Variants in STPG1 observed in about 807,000 individuals in gnomAD.
The protein encoded by STPG1 is sperm tail PG-rich repeat containing 1, also known as O(6)-methylguanine-induced apoptosis 2.
A neutral mutation model predicts 40.1 loss-of-function variants in STPG1; 33 were observed. That is an observed-to-expected ratio of 0.82 (90% CI 0.62 to 1.10). STPG1 has a LOEUF of 1.10. STPG1 is among the 50% of genes least tolerant of loss of function. The pLI is 0.00. For missense variants in STPG1, 396 were observed against 415.1 expected, an observed-to-expected ratio of 0.95 and a Z score of 0.40; for synonymous variants, 150 against 155.0, an observed-to-expected ratio of 0.97 and a Z score of 0.24.
intron 3 of STPG1, among the ~76,000 whole-genome samples, chr1:24,389,289 T>C (rs1642650966): frequency 6.6e-6 from 1 of 152,144 alleles, no homozygotes; most frequent in Non-Finnish European, 1.5e-5. Flanking sequence ...CCATCCACGG[T>C]AGCTGACATC....
intron 4 of STPG1, among the ~76,000 whole-genome samples, chr1:24,380,035 T>G (rs1389234319): frequency 6.6e-6 from 1 of 152,216 alleles, no homozygotes; most frequent in African/African-American, 2.4e-5. Flanking sequence ...GTAAACTAAC[T>G]CAAATTATTC....
At chr1:24,373,858 T>C (rs376203000) in intron 5 of STPG1, 48 bp from the exon 6 acceptor site, 89 of 1,359,122 alleles carry the variant, frequency 6.5e-5, no homozygotes, top group Non-Finnish European at 8.8e-5. Context: ...TTCCTTTCTT[T>C]GTCTTCGTCA....
In STPG1 at chr1:24,388,074, C is replaced by T. The variant is rs916691389; in HGVS notation, c.189+3487G>A. Among the ~76,000 whole-genome samples the T allele has an allele frequency of 3.9e-5, 6 of 152,250 alleles. No individual in the cohort carries two copies. In the South Asian group the frequency reaches 1.0e-3, roughly 26 times the overall value. The stretch of plus-strand genomic sequence containing the variant: ...TTGTGCCCATCTAGAGCACATGGTA[C>T]CTATGTCCTACCTGTATTTATTTAT... On this transcript the variant is annotated intron_variant, in intron 3 of 8. Transcript: ENST00000337248.
rs748824680 is a variant in STPG1 at position 24,360,922 on chromosome 1, G to T, written c.857C>A (p.Ser286Tyr). 1.9e-6 allele frequency: 3 copies of T among 1,614,050 alleles called. No homozygotes were observed. Among genetic ancestry groups the T allele is most frequent in the Non-Finnish European group, 2.5e-6 (3 of 1,179,984 alleles). ...DYLGPRKHFI[S>Y]SASFVSNTSR... ...GGTATTGGACACGAATGATGCACTAGAGATGAAATGCTTGCGGGGGCCTAA... is the reference window on the plus strand; with the variant it reads ...GGTATTGGACACGAATGATGCACTATAGATGAAATGCTTGCGGGGGCCTAA... Residue 286 changes from serine (S) to tyrosine (Y), a missense_variant, in exon 8 of 9, where the codon TCT becomes TAT. Transcript: ENST00000337248.
chr1:24,406,509 T>C (rs1643421617), intron 1 of STPG1, among the ~76,000 whole-genome samples: 1 of 152,132 alleles, frequency 6.6e-6, no homozygotes, highest in South Asian at 2.1e-4. Context: ...TCATAGTCCT[T>C]CTATCTACAG....
intron 3 of STPG1, among the ~76,000 whole-genome samples, chr1:24,386,257 A>C (rs1642499185): frequency 6.6e-6 from 1 of 152,362 alleles, no homozygotes; most frequent in South Asian, 2.1e-4. Context: ...TGAAGCTCAC[A>C]ACTTTCCTGG....
chr1:24,379,521 T>C (rs1642184719), intron 5 of STPG1, 132 bp downstream of exon 5: 3 of 980,924 alleles, frequency 3.1e-6, no homozygotes, highest in African/African-American at 1.6e-5. Context: ...TAGGCACCCA[T>C]TGGGTAGTCA....
intron 3 of STPG1, among the ~76,000 whole-genome samples, chr1:24,389,702 G>A (rs766516009): frequency 2.6e-5 from 4 of 152,128 alleles, no homozygotes; most frequent in Non-Finnish European, 4.4e-5. Flanking sequence ...TCGGAGGCTG[G>A]GCTGCAAATA....
chr1:24,396,292 TATCTATC>T lies in STPG1; in HGVS notation c.71-4620_71-4614del, dbSNP rs1295480951. Among the ~76,000 whole-genome samples the T allele has an allele frequency of 7.6e-3, 825 of 108,080 alleles. 8 individuals are homozygous for T. The highest frequency in any genetic ancestry group is 0.027 in the African/African-American group (765 of 28,352). 70.9% of individuals were successfully genotyped at this position (108,080 alleles called of 152,430 possible). A position where few individuals can be genotyped will look rare whatever the true frequency, so the allele number is the denominator to read the frequency against. On this transcript the variant is annotated intron_variant, in intron 2 of 8. Transcript: ENST00000337248. Reference sequence around the variant, plus strand: ...ATAGCTATCTATCTATCTATCTATCTATCTATCATCTATCTATCTTATTGATCTATAT... The same window carrying T: ...ATAGCTATCTATCTATCTATCTATCTATCTATCTATCTTATTGATCTATAT...
intron 1 of STPG1, among the ~76,000 whole-genome samples, chr1:24,407,727 TGCCCG>T (rs780579217): frequency 1.1e-4 from 17 of 152,310 alleles, no homozygotes; most frequent in South Asian, 6.2e-4. Flanking sequence ...TGAGCCACCA[TGCCCG>T]GCCAAGTTCA....
At chr1:24,412,796 T>C (rs1643762600) in intron 1 of STPG1, among the ~76,000 whole-genome samples, 1 of 152,238 alleles carries the variant, frequency 6.6e-6, no homozygotes, top group Non-Finnish European at 1.5e-5. Flanking sequence ...AGACACCTTT[T>C]AGCAATTGTG....
At chr1:24,403,638 A>G (rs980731748) in intron 1 of STPG1, among the ~76,000 whole-genome samples, 1 of 152,080 alleles carries the variant, frequency 6.6e-6, no homozygotes, top group Non-Finnish European at 1.5e-5. Context: ...TTTCTCAGCA[A>G]TATTTTACAG....
At position 24,358,390 on chromosome 1, in the gene STPG1, C is replaced by T; in HGVS notation, c.*153G>A. 1 of 737,286 alleles carries T rather than the reference C, an allele frequency of 1.4e-6. No individual in the cohort carries two copies. The highest frequency in any genetic ancestry group is 2.5e-6 in the Non-Finnish European group (1 of 402,524). 45.7% of individuals were successfully genotyped at this position (737,286 alleles called of 1,614,324 possible). A position where few individuals can be genotyped will look rare whatever the true frequency, so the allele number is the denominator to read the frequency against. On this transcript the variant is annotated 3_prime_UTR_variant, in exon 9 of 9. Coordinates refer to ENST00000337248, the MANE Select transcript of STPG1 (RefSeq NM_001199013.2). ...CAGCTCAAGACAAAGGCAATGGCAG[C>T]AGTCCGGCTAGGATGCCAGGCCAGA... is the stretch of plus-strand genomic sequence containing the variant.
intron 3 of STPG1, among the ~76,000 whole-genome samples, chr1:24,390,977 TTTTTCTTTTC>T (rs796812784): frequency 6.6e-6 from 1 of 151,888 alleles, no homozygotes; most frequent in East Asian, 1.9e-4. Context: ...TTTTTGTACT[TTTTTCTTTTC>T]TTTTCTTTTC....
chr1:24,379,917 A>G, intron 4 of STPG1, 94 bp from the exon 5 acceptor site: 1 of 1,299,136 alleles, frequency 7.7e-7, no homozygotes. Context: ...CACAAGGTCT[A>G]AATGCATTTT....
intron 2 of STPG1, among the ~76,000 whole-genome samples, chr1:24,396,247 G>GTCTA (rs989326746): frequency 6.7e-6 from 1 of 149,084 alleles, no homozygotes; most frequent in African/African-American, 2.5e-5. Context: ...GTACATATCT[G>GTCTA]TCTATCTATC....
At chr1:24,369,994 C>T (rs905116242) in intron 6 of STPG1, among the ~76,000 whole-genome samples, 155 bp from the exon 7 acceptor site, 5 of 152,158 alleles carry the variant, frequency 3.3e-5, no homozygotes, top group African/African-American at 1.2e-4. Context: ...AAAAACAATC[C>T]TCACCATGCA....
intron 1 of STPG1, among the ~76,000 whole-genome samples, chr1:24,408,703 T>C (rs965813801): frequency 2.0e-5 from 3 of 152,234 alleles, no homozygotes; most frequent in Admixed American, 1.3e-4. Flanking sequence ...TAGTTGTTAA[T>C]AGCAAGGGCA....
intron 2 of STPG1, among the ~76,000 whole-genome samples, chr1:24,395,068 A>C (rs1413630524): frequency 6.6e-6 from 1 of 152,090 alleles, no homozygotes; most frequent in African/African-American, 2.4e-5. Flanking sequence ...GAAAATGTTA[A>C]AATTGGGCAG....
Sources: allele counts gnomAD v4.1 joint callset (sites outside exome capture counted in the v4.1 genomes callset), GRCh38; gene constraint gnomAD v4.1.1; transcripts MANE v1.5; gene names NCBI Gene and HGNC (gene_info 2026-07-23, HGNC 2026-07-21).